The following C11orf65 variants were observed in gnomAD, a reference collection of about 807,000 sequenced individuals.
C11orf65 encodes the protein chromosome 11 open reading frame 65.
C11orf65 carries 38 observed loss-of-function variants against 35.3 expected under a neutral mutation model. The ratio of observed to expected loss-of-function variants is 1.08; its 90% CI spans 0.83 to 1.41. The LOEUF (loss-of-function observed/expected upper bound fraction) is 1.41. Ranked by LOEUF, C11orf65 falls within the 40% of genes most tolerant of loss-of-function variation. The pLI, the probability that C11orf65 is intolerant of heterozygous loss-of-function variation, is 0.00. For synonymous variants in C11orf65, 105 were observed against 114.4 expected (o/e 0.92, Z 0.53); for missense variants, 370 against 367.1 (o/e 1.01, Z -0.06).
At chr11:108,449,765 C>G (rs560660256) in intron 2 of C11orf65, among the ~76,000 whole-genome samples, 1 of 151,968 alleles carries the variant, frequency 6.6e-6, no homozygotes, top group African/African-American at 2.4e-5. Flanking sequence ...GCAATGGCAA[C>G]AAAAGCCAAA....
downstream of C11orf65, chr11:108,329,414 T>C: frequency 3.9e-6 from 2 of 509,312 alleles, no homozygotes; most frequent in Admixed American, 3.6e-5. Flanking sequence ...TTGTTTTTTG[T>C]TTTTTTTTTT....
intron 3 of C11orf65, among the ~76,000 whole-genome samples, chr11:108,418,273 C>T (rs78951026): frequency 0.022 from 3,382 of 152,044 alleles, 92 homozygotes; most frequent in African/African-American, 0.07. Context: ...GACATCTATG[C>T]AATACTATGC....
chr11:108,309,123 A>G (rs2083925672), intron 6 of C11orf65: 1 of 1,018,896 alleles, frequency 9.8e-7, no homozygotes, highest in Non-Finnish European at 1.5e-6. Flanking sequence ...CATGCATTCA[A>G]GTCCAAGCTT....
intron 1 of C11orf65, among the ~76,000 whole-genome samples, chr11:108,462,913 A>T (rs1293044522): frequency 6.6e-6 from 1 of 152,186 alleles, no homozygotes; most frequent in Non-Finnish European, 1.5e-5. Flanking sequence ...TGAGGCCAGG[A>T]GTTCAACACC....
chr11:108,380,090 T>C (rs770413066), downstream of C11orf65, among the ~76,000 whole-genome samples: 8 of 152,180 alleles, frequency 5.3e-5, no homozygotes, highest in Middle Eastern at 3.2e-3. Context: ...CAGGCCACAC[T>C]GATGATACTG....
At chr11:108,351,742 T>C (rs1328417320) in intron 2 of C11orf65, among the ~76,000 whole-genome samples, 1 of 152,228 alleles carries the variant, frequency 6.6e-6, no homozygotes, top group Non-Finnish European at 1.5e-5. Context: ...CATCACATTA[T>C]GTCATCACAT....
At chr11:108,387,144 C>CTTTTTT (rs1202809854) in intron 7 of C11orf65, among the ~76,000 whole-genome samples, 1 of 101,054 alleles carries the variant, frequency 9.9e-6, no homozygotes, top group African/African-American at 3.3e-5. Context: ...TCTTTTCTTT[C>CTTTTTT]TTTCTTTTTT....
At chr11:108,312,660 G>C (rs1217590294) in intron 6 of C11orf65, among the ~76,000 whole-genome samples, 1 of 143,488 alleles carries the variant, frequency 7.0e-6, no homozygotes, top group African/African-American at 2.5e-5. Context: ...AAGCCTTAGA[G>C]TAGACAGACT....
intron 7 of C11orf65, among the ~76,000 whole-genome samples, chr11:108,388,472 T>C (rs773070319): frequency 3.8e-4 from 58 of 152,296 alleles, no homozygotes; most frequent in Non-Finnish European, 7.9e-4. Context: ...AATCCATTTG[T>C]TAAATTACAA....
At chr11:108,443,691 A>C (rs530704087) in intron 2 of C11orf65, among the ~76,000 whole-genome samples, 46 of 152,296 alleles carry the variant, frequency 3.0e-4, no homozygotes, top group South Asian at 1.7e-3. Context: ...AACTACATGG[A>C]AACTGAACAA....
chr11:108,336,114 T>C, intron 2 of C11orf65: 3 of 604,054 alleles, frequency 5.0e-6, no homozygotes, highest in Non-Finnish European at 8.8e-6. Flanking sequence ...CTCAGCAACA[T>C]AGTGAGACCC....
chr11:108,425,013 G>C (rs1033300021), intron 3 of C11orf65, among the ~76,000 whole-genome samples: 4 of 152,210 alleles, frequency 2.6e-5, no homozygotes, highest in African/African-American at 7.2e-5. Flanking sequence ...GCAGTGTTTA[G>C]AGGGAAATTT....
chr11:108,456,541 G>A (rs537593638), intron 2 of C11orf65, among the ~76,000 whole-genome samples: 58 of 152,166 alleles, frequency 3.8e-4, no homozygotes, highest in Non-Finnish European at 2.8e-4. Context: ...CAGCACTTTC[G>A]GAGGCCAAGG....
rs777701204 is a variant in C11orf65, at chr11:108,383,058, A to G, written c.905T>C (p.Val302Ala). 11 of 1,610,282 alleles carry G rather than the reference A, an allele frequency of 6.8e-6. No individual in the cohort carries two copies. The South Asian group carries it at 1.2e-4, about 18-fold the overall frequency. The stretch of plus-strand genomic sequence containing the variant: ...AGTAGAATCAGGCGTTAATCTAGTT[A>G]CATTTGGTTCTTGATAAACATTTTC... ...YYENVYQEPN[V>A]TRLTPDSTYG... The change falls in exon 9 of 9, where the codon GTA (valine) becomes GCA (alanine). Residue 302 changes from valine to alanine, a missense_variant. Transcript: ENST00000393084.
chr11:108,390,529 G>T (rs761434561), intron 7 of C11orf65, among the ~76,000 whole-genome samples: 23 of 152,214 alleles, frequency 1.5e-4, no homozygotes, highest in Admixed American at 8.5e-4. Context: ...CCCTTAGCTT[G>T]AATCGGCCAA....
intron 2 of C11orf65, among the ~76,000 whole-genome samples, chr11:108,445,441 G>A (rs749215061): frequency 1.3e-5 from 2 of 152,144 alleles, no homozygotes; most frequent in East Asian, 1.9e-4. Flanking sequence ...AGCATTTGCA[G>A]GTCACCAATA....
chr11:108,398,587 A>G (rs1334788314), intron 6 of C11orf65, among the ~76,000 whole-genome samples: 1 of 152,216 alleles, frequency 6.6e-6, no homozygotes, highest in Non-Finnish European at 1.5e-5. Context: ...AGTAAAACGC[A>G]TATTATTCTT....
At chr11:108,380,223 G>T (rs184856354), downstream of C11orf65, among the ~76,000 whole-genome samples, 32 of 152,302 alleles carry the variant, frequency 2.1e-4, no homozygotes, top group African/African-American at 7.5e-4. Context: ...CTCCACTTAG[G>T]TATAGCCCTA....
chr11:108,433,241 T>TTATA (rs572182230), intron 2 of C11orf65, among the ~76,000 whole-genome samples: 3,099 of 148,760 alleles, frequency 0.021, 80 homozygotes, highest in African/African-American at 0.065. Context: ...AAAAAAAAAT[T>TTATA]TATATATATA....
Sources: gnomAD v4.1 joint callset for allele counts (sites outside exome capture counted in the v4.1 genomes callset) on GRCh38, gnomAD v4.1.1 for gene constraint, MANE v1.5 for transcripts, NCBI Gene and HGNC (gene_info 2026-07-23, HGNC 2026-07-21) for gene names.